ADGRD1: variants seen among roughly 807,000 people sequenced by gnomAD.
ADGRD1 encodes the protein adhesion G protein-coupled receptor D1, also known as G-protein coupled receptor 133.
Under a neutral mutation model 113.4 loss-of-function variants are expected in ADGRD1, and 77 were observed. The observed-to-expected ratio is 0.68, with a 90% CI of 0.57 to 0.82. The LOEUF (loss-of-function observed/expected upper bound fraction) is 0.82. ADGRD1 is among the 40% of genes least tolerant of loss of function. The pLI, the probability that ADGRD1 is intolerant of heterozygous loss-of-function variation, is 0.00. For missense variants in ADGRD1, 1,036 were observed against 1,139.1 expected (o/e 0.91, Z 1.30); for synonymous variants, 474 against 475.0 (o/e 1.00, Z 0.03).
At chr12:130,969,042 T>A in intron 3 of ADGRD1, 1 of 1,532,480 alleles carries the variant, frequency 6.5e-7, no homozygotes, top group Non-Finnish European at 8.7e-7. Context: ...TTCCAATGAT[T>A]CTGCCTACTC....
At chr12:130,972,115 G>T (rs1285718372) in intron 4 of ADGRD1, among the ~76,000 whole-genome samples, 1 of 152,192 alleles carries the variant, frequency 6.6e-6, no homozygotes, top group African/African-American at 2.4e-5. Context: ...GAGCAGAGAT[G>T]CAAAAGAAAA....
At position 131,041,952 on chromosome 12, in the gene ADGRD1, C is replaced by A. The variant is rs1012562927; in HGVS notation, c.1473+27612C>A. On this transcript the variant is annotated intron_variant, in intron 13 of 24. Transcript: ENST00000261654. This position sits in a 1 kb window ranked among gnomAD's most constrained non-coding sequence, Gnocchi z 4.4. ...GAGTCCCCCTGCGAGGAGAAGGCGC[C>A]GATGACCTAGGGTTCCTTCGCAGTC... 6.6e-6 allele frequency among the ~76,000 whole-genome samples: 1 copy of A among 151,994 alleles called. No homozygotes were observed. Among genetic ancestry groups the A allele is most frequent in the Non-Finnish European group, 1.5e-5 (1 of 67,988 alleles).
intron 13 of ADGRD1, among the ~76,000 whole-genome samples, chr12:131,019,358 A>C (rs907794389): frequency 1.2e-4 from 19 of 152,230 alleles, no homozygotes; most frequent in African/African-American, 4.1e-4. Context: ...GGCTCTGGAC[A>C]GGGATGCTAC....
Position 131,041,971 on chromosome 12 carries a change from C to T in ADGRD1, c.1473+27631C>T, listed in dbSNP as rs952479666. Among the ~76,000 whole-genome samples, 3 of 152,066 alleles carry T rather than the reference C, an allele frequency of 2.0e-5. No homozygotes were observed. Among genetic ancestry groups the T allele is most frequent in the African/African-American group, 7.2e-5 (3 of 41,394 alleles). The stretch of plus-strand genomic sequence containing the variant: ...AGGCGCCGATGACCTAGGGTTCCTT[C>T]GCAGTCGGGTTTGTTATCCGAGTCC... On this transcript the variant is annotated intron_variant, in intron 13 of 24. Coordinates refer to ENST00000261654, the MANE Select transcript of ADGRD1 (RefSeq NM_198827.5). This position sits in a 1 kb window ranked among gnomAD's most constrained non-coding sequence, Gnocchi z 4.4.
In ADGRD1 at chr12:130,981,948, T is replaced by C. The variant is rs1226609854; in HGVS notation, c.375T>C (p.Tyr125=). 3.7e-6 allele frequency: 6 copies of C among 1,613,454 alleles called. No individual in the cohort carries two copies. The South Asian group carries it at 5.5e-5, about 15-fold the overall frequency. Residue 125 remains tyrosine, a synonymous_variant, in exon 5 of 25, where the codon TAT becomes TAC. Transcript: ENST00000261654. The stretch of plus-strand genomic sequence containing the variant: ...AGTCTAGACCAATCCCTTCTGCGTA[T>C]GGGGGACAGGTCATCTCCAATGGGT... ...GEQSRPIPSA[Y]GGQVISNGFK... is the part of the protein sequence containing the mutation.
At chr12:131,006,481 C>T (rs1246111583) in intron 12 of ADGRD1, among the ~76,000 whole-genome samples, 1 of 152,342 alleles carries the variant, frequency 6.6e-6, no homozygotes, top group East Asian at 1.9e-4. Context: ...AAGGGAGGAG[C>T]AGGTGGGCCT....
intron 15 of ADGRD1, among the ~76,000 whole-genome samples, chr12:131,086,993 A>G (rs1429026247): frequency 2.6e-5 from 4 of 152,038 alleles, no homozygotes; most frequent in Admixed American, 2.6e-4. Context: ...ACAGCCTTGA[A>G]CTCCTGGGCT....
intron 13 of ADGRD1, among the ~76,000 whole-genome samples, chr12:131,031,874 C>T (rs73477359): frequency 0.026 from 4,011 of 152,302 alleles, 164 homozygotes; most frequent in African/African-American, 0.09. Context: ...GCCTCGTCCC[C>T]GCACATGCCA....
intron 15 of ADGRD1, 32 bp from the exon 16 acceptor site, chr12:131,104,799 T>C (rs759656144): frequency 6.7e-6 from 10 of 1,491,514 alleles, no homozygotes; most frequent in Non-Finnish European, 8.2e-6. Flanking sequence ...TGCCTGGGCC[T>C]GCTGCTGACG....
At chr12:131,006,247 G>C (rs1012598053) in intron 12 of ADGRD1, among the ~76,000 whole-genome samples, 200 bp downstream of exon 12, 2 of 152,238 alleles carry the variant, frequency 1.3e-5, no homozygotes, top group African/African-American at 4.8e-5. Context: ...GGCTGGTGGA[G>C]TGGAGGTCAG....
intron 12 of ADGRD1, among the ~76,000 whole-genome samples, chr12:131,011,310 C>A (rs1877862735): frequency 6.6e-6 from 1 of 151,790 alleles, no homozygotes; most frequent in Non-Finnish European, 1.5e-5. Context: ...CAAACTGGGC[C>A]TGGTGGAGGC....
chr12:130,973,815 C>T (rs894272984), intron 4 of ADGRD1, among the ~76,000 whole-genome samples: 2 of 137,364 alleles, frequency 1.5e-5, no homozygotes, highest in East Asian at 2.1e-4. Context: ...ACCGGGGGTG[C>T]GGTGGCTCAC....
At chr12:130,967,125 C>A (rs1871092276) in intron 3 of ADGRD1, 1 of 425,348 alleles carries the variant, frequency 2.4e-6, no homozygotes, top group South Asian at 1.6e-5. Context: ...ACAGCAGGGG[C>A]CTATTGATGA....
Position 130,991,096 on chromosome 12 carries a change from C to T in ADGRD1, c.810+18C>T. ...GCCCCGTGGTGAGCAGACACATCTT[C>T]CTTGGTCCCCCTTGCTGATGTTCTT... On this transcript the variant is annotated intron_variant, in intron 7 of 24. Coordinates refer to ENST00000261654, the MANE Select transcript of ADGRD1 (RefSeq NM_198827.5). The T allele has an allele frequency of 1.2e-6, 2 of 1,605,868 alleles. No individual in the cohort carries two copies. The highest frequency in any genetic ancestry group is 1.7e-6 in the Non-Finnish European group (2 of 1,172,646).
intron 13 of ADGRD1, chr12:131,026,259 G>A (rs57194291): frequency 1.3e-5 from 2 of 152,246 alleles, no homozygotes; most frequent in Admixed American, 6.5e-5. Flanking sequence ...GTGCCCTCCA[G>A]AGGGCTGGGT....
intron 3 of ADGRD1, chr12:130,969,254 GA>G: frequency 3.4e-6 from 2 of 583,778 alleles, no homozygotes; most frequent in Non-Finnish European, 6.1e-6. Context: ...AAGTCTAAAG[GA>G]AGATTGCAAT....
Position 131,041,852 on chromosome 12 carries a change from C to T in ADGRD1, c.1473+27512C>T, listed in dbSNP as rs1266312142. ...CATTCCCTCCCCACGGTCCTCCTTT[C>T]CTGGGTTATTTTTCTAGATGCCACT... On this transcript the variant is annotated intron_variant, in intron 13 of 24. Transcript: ENST00000261654. The surrounding 1 kb of genome is among the most constrained non-coding windows in gnomAD (Gnocchi z 4.4). 6.6e-6 allele frequency among the ~76,000 whole-genome samples: 1 copy of T among 152,208 alleles called. No individual in the cohort carries two copies.
chr12:131,134,874 T>A (rs1365920477), intron 21 of ADGRD1, among the ~76,000 whole-genome samples: 1 of 152,236 alleles, frequency 6.6e-6, no homozygotes, highest in Non-Finnish European at 1.5e-5. Context: ...ACTTTGGGGT[T>A]ACAGAGACAA....
At chr12:131,123,119 C>T (rs1212207237) in intron 20 of ADGRD1, among the ~76,000 whole-genome samples, 8 of 122,194 alleles carry the variant, frequency 6.5e-5, no homozygotes, top group Admixed American at 2.2e-4. Flanking sequence ...TGCAGTGGCA[C>T]GATCTTGGCT....
Sources: allele counts gnomAD v4.1 joint callset (sites outside exome capture counted in the v4.1 genomes callset), GRCh38; gene constraint gnomAD v4.1.1; non-coding constraint Gnocchi (gnomAD v3.1); transcripts MANE v1.5; gene names NCBI Gene and HGNC (gene_info 2026-07-23, HGNC 2026-07-21).